The following CATSPERE variants were observed in gnomAD, a reference collection of about 807,000 sequenced individuals.
The protein encoded by CATSPERE is cation channel sperm-associated auxiliary subunit epsilon.
A neutral mutation model predicts 114.1 loss-of-function variants in CATSPERE; 93 were observed. The observed-to-expected ratio is 0.81, with a 90% CI of 0.69 to 0.97. CATSPERE has a LOEUF of 0.97. Among genes scored for constraint, CATSPERE ranks in the 50% least tolerant of loss-of-function variants. CATSPERE has a pLI of 0.00. For synonymous variants in CATSPERE, 341 were observed against 384.1 expected, an observed-to-expected ratio of 0.89 and a Z score of 1.31; for missense variants, 1,058 against 1,131.6, an observed-to-expected ratio of 0.93 and a Z score of 0.93.
At chr1:244,453,053 G>A (rs72767875), upstream of CATSPERE, among the ~76,000 whole-genome samples, 4,153 of 152,252 alleles carry the variant, frequency 0.027, 84 homozygotes, top group Middle Eastern at 0.061. Context: ...GTTAAGTCAG[G>A]AACATTGAGA....
intron 7 of CATSPERE, among the ~76,000 whole-genome samples, chr1:244,515,103 A>C (rs1242782718): frequency 6.6e-6 from 1 of 152,228 alleles, no homozygotes; most frequent in Non-Finnish European, 1.5e-5. Context: ...CTTATTTTCC[A>C]AAGCATACAA....
chr1:244,538,578 C>A (rs1453456963), intron 8 of CATSPERE, among the ~76,000 whole-genome samples: 2 of 152,164 alleles, frequency 1.3e-5, no homozygotes, highest in Non-Finnish European at 2.9e-5. Flanking sequence ...GGCTGAAACA[C>A]CCCATTGGAC....
At chr1:244,458,014 A>G (rs912583254), upstream of CATSPERE, among the ~76,000 whole-genome samples, 5 of 152,262 alleles carry the variant, frequency 3.3e-5, no homozygotes, top group Admixed American at 2.6e-4. Context: ...GTCTTTGTCA[A>G]TTGTGCCTTT....
At chr1:244,506,961 A>C (rs1010387054) in intron 7 of CATSPERE, among the ~76,000 whole-genome samples, 4 of 152,096 alleles carry the variant, frequency 2.6e-5, no homozygotes, top group Admixed American at 1.3e-4. Context: ...CTCTGCCTCC[A>C]TGAAATCCAC....
intron 6 of CATSPERE, among the ~76,000 whole-genome samples, chr1:244,497,398 C>T (rs959331307): frequency 2.0e-5 from 3 of 151,586 alleles, no homozygotes; most frequent in Admixed American, 1.3e-4. Context: ...AAAAGAGAAA[C>T]AATCCAACAA....
chr1:244,467,034 G>T (rs545531084), intron 2 of CATSPERE, among the ~76,000 whole-genome samples: 1 of 152,304 alleles, frequency 6.6e-6, no homozygotes, highest in South Asian at 2.1e-4. Context: ...GAGTTATGCA[G>T]GAATGAATGA....
At chr1:244,558,473 C>G (rs1572743770) in intron 9 of CATSPERE, among the ~76,000 whole-genome samples, 1 of 152,028 alleles carries the variant, frequency 6.6e-6, no homozygotes, top group South Asian at 2.1e-4. Context: ...AATTCCTCAT[C>G]TCTTCACTAT....
rs544801431 is a variant in CATSPERE at position 244,611,042 on chromosome 1, G to A, written c.2490+716G>A. Among the ~76,000 whole-genome samples the A allele has an allele frequency of 1.8e-4, 28 of 152,258 alleles. 1 individual carries two copies. Among genetic ancestry groups the A allele is most frequent in the African/African-American group, 6.7e-4 (28 of 41,570 alleles). On this transcript the variant is annotated intron_variant, in intron 19 of 21. Transcript: ENST00000366534. ...CCCAAAGTGCTGGGATTACAGGCGT[G>A]AGCCACCGCACCCAGCCTCCCTCCC...
intron 19 of CATSPERE, 98 bp from the exon 20 acceptor site, chr1:244,617,431 T>C: frequency 1.1e-6 from 1 of 935,160 alleles, no homozygotes; most frequent in Non-Finnish European, 1.5e-6. Context: ...GAATAGCCAT[T>C]ACATCTCTAA....
At chr1:244,580,801 G>A (rs1666052331) in intron 11 of CATSPERE, among the ~76,000 whole-genome samples, 2 of 152,014 alleles carry the variant, frequency 1.3e-5, no homozygotes, top group Admixed American at 1.3e-4. Context: ...GGGAGTTCAA[G>A]ACCAGCCTGA....
intron 6 of CATSPERE, among the ~76,000 whole-genome samples, chr1:244,496,342 C>T (rs1673078726): frequency 6.6e-6 from 1 of 152,126 alleles, no homozygotes; most frequent in South Asian, 2.1e-4. Flanking sequence ...GAACAAAAGC[C>T]TGAGAGTGTT....
chr1:244,536,526 G>A (rs371776168), intron 8 of CATSPERE, among the ~76,000 whole-genome samples: 3 of 152,128 alleles, frequency 2.0e-5, no homozygotes, highest in Non-Finnish European at 4.4e-5. Context: ...GTTGCTTTCC[G>A]CTGTGACAGG....
In CATSPERE at chr1:244,524,343, T is replaced by C. The variant is rs1410784387; in HGVS notation, c.536+5645T>C. On this transcript the variant is annotated intron_variant, in intron 8 of 21. Transcript: ENST00000366534. ...ACCTTATACAAAAATCAATTCAAGA[T>C]GGATTAAAGACTTAAACATTAGACC... 4.6e-5 allele frequency among the ~76,000 whole-genome samples: 7 copies of C among 150,830 alleles called. No homozygotes were observed. The East Asian group carries it at 1.3e-3, about 29-fold the overall frequency.
intron 17 of CATSPERE, among the ~76,000 whole-genome samples, chr1:244,594,920 G>C (rs1668190226): frequency 6.6e-6 from 1 of 152,044 alleles, no homozygotes; most frequent in Non-Finnish European, 1.5e-5. Context: ...ATGCTATCCA[G>C]CTAATCTGCT....
chr1:244,518,231 C>T (rs1676956458), intron 7 of CATSPERE, among the ~76,000 whole-genome samples: 1 of 152,118 alleles, frequency 6.6e-6, no homozygotes, highest in Non-Finnish European at 1.5e-5. Flanking sequence ...TGAAGGCAGG[C>T]TCATGTAGGA....
intron 20 of CATSPERE, among the ~76,000 whole-genome samples, 184 bp from the exon 21 acceptor site, chr1:244,635,305 T>C (rs886829906): frequency 2.0e-5 from 3 of 152,216 alleles, no homozygotes; most frequent in African/African-American, 7.2e-5. Context: ...CAGAGAAGCC[T>C]GAGCTGTACA....
Position 244,561,069 on chromosome 1 carries a change from G to A in CATSPERE, c.1431G>A (p.Gly477=), listed in dbSNP as rs775334731. The part of the protein sequence containing the change: ...YYCYHNFTFT[G]ILQTPAGHGN... Reference sequence around the variant, plus strand: ...GTTACCATAATTTCACCTTTACTGGGATTTTACAGACACCTGCAGGACATG... The same window carrying A: ...GTTACCATAATTTCACCTTTACTGGAATTTTACAGACACCTGCAGGACATG... The change falls in exon 10 of 22, where the codon GGG becomes GGA. Residue 477 remains glycine (G), a synonymous_variant. Transcript: ENST00000366534. 1.2e-6 allele frequency: 2 copies of A among 1,612,282 alleles called. No homozygotes were observed. Among genetic ancestry groups the A allele is most frequent in the South Asian group, 2.2e-5 (2 of 91,040 alleles).
At chr1:244,515,355 C>T in intron 7 of CATSPERE, 1 of 969,988 alleles carries the variant, frequency 1.0e-6, no homozygotes, top group Non-Finnish European at 1.2e-6. Context: ...ATTTGTTCAA[C>T]AAATATTTAT....
chr1:244,621,380 T>C (rs1672374830), intron 20 of CATSPERE, among the ~76,000 whole-genome samples: 1 of 142,552 alleles, frequency 7.0e-6, no homozygotes, highest in Non-Finnish European at 1.5e-5. Context: ...CTACACTCAA[T>C]AGATTTAAGC....
Sources: allele counts gnomAD v4.1 joint callset (sites outside exome capture counted in the v4.1 genomes callset), GRCh38; gene constraint gnomAD v4.1.1; transcripts MANE v1.5; gene names NCBI Gene and HGNC (gene_info 2026-07-23, HGNC 2026-07-21).